Variants in FBXO4 observed in about 807,000 individuals in gnomAD.
FBXO4 encodes F-box only protein 4.
A neutral mutation model predicts 43.7 loss-of-function variants in FBXO4; 36 were observed. The ratio of observed to expected loss-of-function variants is 0.82; its 90% CI spans 0.63 to 1.09. FBXO4 has a LOEUF of 1.09. FBXO4 is among the 50% of genes least tolerant of loss of function. The probability of loss-of-function intolerance (pLI) is 0.00; values close to 1 mark genes in which losing one functional copy is unlikely to be tolerated. For synonymous variants in FBXO4, 180 were observed against 165.6 expected (o/e 1.09, Z -0.67); for missense variants, 435 against 474.1 (o/e 0.92, Z 0.77).
chr5:41,981,390 T>TA, the FBXO4 span, among the ~76,000 whole-genome samples: 6 of 151,746 alleles, frequency 4.0e-5, no homozygotes, highest in Admixed American at 3.9e-4. Flanking sequence ...AATTTTTTTT[T>TA]AAATGGTAAA....
chr5:42,032,287 A>G, the FBXO4 span, among the ~76,000 whole-genome samples: 1 of 152,140 alleles, frequency 6.6e-6, no homozygotes, highest in Non-Finnish European at 1.5e-5. Context: ...CAGATCACAA[A>G]GCCAGGAAGG....
chr5:42,020,082 A>G, the FBXO4 span, among the ~76,000 whole-genome samples: 3 of 152,124 alleles, frequency 2.0e-5, no homozygotes, highest in African/African-American at 4.8e-5. Context: ...AAATTGTGGG[A>G]TTAGGAAATA....
the FBXO4 span, among the ~76,000 whole-genome samples, chr5:41,965,399 A>AT: frequency 1.3e-5 from 2 of 152,042 alleles, no homozygotes; most frequent in East Asian, 1.9e-4. Flanking sequence ...ACTTTAAAGT[A>AT]TTTTTTTCCA....
the FBXO4 span, among the ~76,000 whole-genome samples, chr5:41,997,101 T>G: frequency 6.6e-6 from 1 of 152,340 alleles, no homozygotes; most frequent in Admixed American, 6.5e-5. Flanking sequence ...GGCAAAATGC[T>G]TCTGGTGGGC....
At chr5:42,037,791 A>G in the FBXO4 span, among the ~76,000 whole-genome samples, 1 of 151,996 alleles carries the variant, frequency 6.6e-6, no homozygotes, top group Non-Finnish European at 1.5e-5. Flanking sequence ...AACCCCAACT[A>G]ATCAATGACC....
the FBXO4 span, among the ~76,000 whole-genome samples, chr5:42,035,392 T>A: frequency 6.6e-6 from 1 of 152,060 alleles, no homozygotes; most frequent in South Asian, 2.1e-4. Flanking sequence ...GGCATCCTTG[T>A]CTTGTGGCAG....
intron 1 of FBXO4, among the ~76,000 whole-genome samples, chr5:41,926,099 T>C (rs2112564869): frequency 6.6e-6 from 1 of 152,334 alleles, no homozygotes; most frequent in East Asian, 1.9e-4. Flanking sequence ...TTGGGGTAGA[T>C]AGGTAAATGA....
At chr5:42,005,838 C>A in the FBXO4 span, among the ~76,000 whole-genome samples, 1 of 152,038 alleles carries the variant, frequency 6.6e-6, no homozygotes, top group African/African-American at 2.4e-5. Flanking sequence ...ACCTCCTCTT[C>A]TATCACCCAA....
At chr5:41,926,484 C>A (rs1383086657) in intron 1 of FBXO4, among the ~76,000 whole-genome samples, 1 of 152,120 alleles carries the variant, frequency 6.6e-6, no homozygotes. Context: ...GAGGCAGGAG[C>A]ATGGCGTGAA....
the FBXO4 span, among the ~76,000 whole-genome samples, chr5:42,008,006 G>T: frequency 3.9e-5 from 6 of 151,986 alleles, no homozygotes; most frequent in Admixed American, 6.6e-5. Flanking sequence ...AAAAGAAAAA[G>T]AATTAATAAT....
chr5:42,032,826 C>G, the FBXO4 span, among the ~76,000 whole-genome samples: 1 of 152,306 alleles, frequency 6.6e-6, no homozygotes, highest in South Asian at 2.1e-4. Flanking sequence ...GCCACTACAG[C>G]TGGCACTGTG....
the FBXO4 span, among the ~76,000 whole-genome samples, chr5:42,010,638 A>G: frequency 0.016 from 2,425 of 152,270 alleles, 68 homozygotes; most frequent in African/African-American, 0.054. Context: ...GGTTATTGTA[A>G]ATAATGGTGC....
At chr5:41,934,063 T>C (rs748990341) in intron 4 of FBXO4, 42 bp downstream of exon 4, 1 of 1,611,222 alleles carries the variant, frequency 6.2e-7, no homozygotes, top group Non-Finnish European at 8.5e-7. Flanking sequence ...ACATCAGAAC[T>C]AAAACATTTC....
At chr5:42,015,254 G>A in the FBXO4 span, among the ~76,000 whole-genome samples, 10 of 152,142 alleles carry the variant, frequency 6.6e-5, no homozygotes, top group Non-Finnish European at 1.2e-4. Context: ...TTATTATTGG[G>A]CATACTGTTG....
the FBXO4 span, among the ~76,000 whole-genome samples, chr5:42,033,350 C>A: frequency 6.4e-4 from 97 of 152,188 alleles, no homozygotes; most frequent in African/African-American, 2.3e-3. Flanking sequence ...CACTTAGACA[C>A]ACAGAACACT....
the FBXO4 span, among the ~76,000 whole-genome samples, chr5:41,997,081 G>T: frequency 1.3e-5 from 2 of 152,238 alleles, no homozygotes; most frequent in African/African-American, 2.4e-5. Flanking sequence ...TGCTGGCCTT[G>T]CCAGTGGGAG....
chr5:41,927,371 T>C, intron 2 of FBXO4, 123 bp downstream of exon 2: 3 of 682,928 alleles, frequency 4.4e-6, no homozygotes, highest in Non-Finnish European at 4.8e-6. Context: ...CTAATTGTTC[T>C]CGTCAAAACT....
chr5:41,951,442 C>A, the FBXO4 span: 1 of 237,936 alleles, frequency 4.2e-6, no homozygotes, highest in Non-Finnish European at 8.3e-6. Flanking sequence ...CACATGCAAC[C>A]TGCACACCTT....
At chr5:42,031,991 T>C in the FBXO4 span, among the ~76,000 whole-genome samples, 2 of 152,018 alleles carry the variant, frequency 1.3e-5, no homozygotes, top group Non-Finnish European at 2.9e-5. Context: ...GCAGAGACTC[T>C]TGTTCTCTTC....
Sources: gnomAD v4.1 joint callset for allele counts (sites outside exome capture counted in the v4.1 genomes callset) on GRCh38, gnomAD v4.1.1 for gene constraint, MANE v1.5 for transcripts, NCBI Gene and HGNC (gene_info 2026-07-23, HGNC 2026-07-21) for gene names.